Variants in RALYL observed in about 807,000 individuals in gnomAD.
The protein encoded by RALYL is RNA-binding Raly-like protein.
A neutral mutation model predicts 35.1 loss-of-function variants in RALYL; 29 were observed. The observed-to-expected ratio is 0.83, with a 90% CI of 0.61 to 1.13. RALYL has a LOEUF of 1.13. RALYL is among the 50% of genes most tolerant of loss of function. RALYL has a pLI of 0.00. For synonymous variants in RALYL, 120 were observed against 127.6 expected (o/e 0.94, Z 0.40); for missense variants, 359 against 360.4 (o/e 1.00, Z 0.03).
intron 2 of RALYL, among the ~76,000 whole-genome samples, chr8:84,574,347 C>T (rs1488610048): frequency 6.6e-6 from 1 of 152,010 alleles, no homozygotes; most frequent in Non-Finnish European, 1.5e-5. Flanking sequence ...CTTTGGCTGG[C>T]CTTCTGAAGT....
At chr8:84,206,031 T>G (rs2131078878) in intron 1 of RALYL, among the ~76,000 whole-genome samples, 1 of 152,272 alleles carries the variant, frequency 6.6e-6, no homozygotes, top group East Asian at 1.9e-4. Flanking sequence ...TACACCAGTC[T>G]TATTGGATTA....
chr8:84,524,395 A>T (rs1311446084), intron 1 of RALYL, among the ~76,000 whole-genome samples: 3 of 152,214 alleles, frequency 2.0e-5, no homozygotes, highest in Non-Finnish European at 4.4e-5. Context: ...TCAAAACCAC[A>T]AAGAGATACC....
intron 2 of RALYL, among the ~76,000 whole-genome samples, chr8:84,732,151 T>C (rs1310675043): frequency 1.3e-5 from 2 of 152,152 alleles, no homozygotes; most frequent in Non-Finnish European, 2.9e-5. Context: ...TATTAATAAG[T>C]GTGCTTTTTG....
intron 7 of RALYL, among the ~76,000 whole-genome samples, chr8:84,881,166 A>G (rs1004976800): frequency 6.6e-6 from 1 of 151,968 alleles, no homozygotes; most frequent in Non-Finnish European, 1.5e-5. Flanking sequence ...CATCTAAAAC[A>G]TTCTATGTAA....
In RALYL at chr8:84,783,572, G is replaced by GA. The variant is rs530834212; in HGVS notation, c.332+8923dup. Among the ~76,000 whole-genome samples, 4 of 152,206 alleles carry GA rather than the reference G, an allele frequency of 2.6e-5. 1 individual carries two copies. In the South Asian group the frequency reaches 8.3e-4, roughly 32 times the overall value. On this transcript the variant is annotated intron_variant, in intron 3 of 8. Coordinates refer to ENST00000521268, the MANE Select transcript of RALYL (RefSeq NM_173848.7). ...GTTAGGTAATTGACTTTATGCAAAA[G>GA]AAAAACAAACTTTTCATATTCTCAT...
chr8:84,331,604 A>T (rs1846838508), intron 1 of RALYL, among the ~76,000 whole-genome samples: 1 of 152,134 alleles, frequency 6.6e-6, no homozygotes, highest in African/African-American at 2.4e-5. Flanking sequence ...TGCAGGGATG[A>T]GGAAAGCATT....
intron 2 of RALYL, among the ~76,000 whole-genome samples, chr8:84,544,028 T>C (rs866098576): frequency 1.6e-4 from 24 of 152,076 alleles, no homozygotes; most frequent in African/African-American, 5.5e-4. Flanking sequence ...ATCATTATGA[T>C]ATCTGAAAAG....
chr8:84,681,883 C>T (rs562232322), intron 2 of RALYL, among the ~76,000 whole-genome samples: 31 of 152,148 alleles, frequency 2.0e-4, no homozygotes, highest in African/African-American at 7.0e-4. Flanking sequence ...TATGTTGAAT[C>T]GGAGTGGTGA....
intron 2 of RALYL, among the ~76,000 whole-genome samples, chr8:84,703,790 C>A (rs1221146949): frequency 6.6e-6 from 1 of 152,032 alleles, no homozygotes; most frequent in East Asian, 1.9e-4. Context: ...AGTTTTCGTG[C>A]CTTGTTGGTC....
At chr8:84,580,704 G>A (rs907957261) in intron 2 of RALYL, among the ~76,000 whole-genome samples, 1 of 152,138 alleles carries the variant, frequency 6.6e-6, no homozygotes, top group Non-Finnish European at 1.5e-5. Flanking sequence ...TCCAGTAATA[G>A]TAATGTATCT....
chr8:84,752,378 T>C (rs189444560), intron 2 of RALYL, among the ~76,000 whole-genome samples: 2 of 152,158 alleles, frequency 1.3e-5, no homozygotes, highest in African/African-American at 4.8e-5. Flanking sequence ...AACTTATATT[T>C]AAAAGGGAAG....
At chr8:84,700,324 T>G (rs569594484) in intron 2 of RALYL, among the ~76,000 whole-genome samples, 1 of 152,158 alleles carries the variant, frequency 6.6e-6, no homozygotes, top group East Asian at 1.9e-4. Flanking sequence ...TATTTCAGAA[T>G]CATAATAATT....
At chr8:84,275,113 A>G (rs905255923) in intron 1 of RALYL, among the ~76,000 whole-genome samples, 5 of 152,142 alleles carry the variant, frequency 3.3e-5, no homozygotes, top group African/African-American at 1.2e-4. Flanking sequence ...TAAGCTTAAT[A>G]TATTTTCCTT....
chr8:84,184,777 A>C (rs1483472409), intron 1 of RALYL: 7 of 430,728 alleles, frequency 1.6e-5, no homozygotes, highest in East Asian at 3.8e-5. Flanking sequence ...TCCGAGGGCC[A>C]CTTGCACAGC....
intron 1 of RALYL, among the ~76,000 whole-genome samples, chr8:84,385,199 C>G (rs1309711264): frequency 6.6e-6 from 1 of 151,606 alleles, no homozygotes; most frequent in African/African-American, 2.4e-5. Context: ...GAAAAAATAG[C>G]AAATCTGTTA....
intron 1 of RALYL, among the ~76,000 whole-genome samples, chr8:84,500,393 A>G (rs2056527548): frequency 6.6e-6 from 1 of 152,158 alleles, no homozygotes; most frequent in Admixed American, 6.6e-5. Context: ...ATGTTTTTAA[A>G]TGAACTGTTT....
intron 8 of RALYL, among the ~76,000 whole-genome samples, chr8:84,895,287 T>C (rs544465424): frequency 6.6e-6 from 1 of 151,204 alleles, no homozygotes; most frequent in South Asian, 2.1e-4. Flanking sequence ...TAAACAACCA[T>C]GGTGCATGTG....
intron 1 of RALYL, among the ~76,000 whole-genome samples, chr8:84,375,561 A>G (rs927181675): frequency 6.6e-6 from 1 of 151,814 alleles, no homozygotes; most frequent in African/African-American, 2.4e-5. Flanking sequence ...TAATCCCACT[A>G]TCAGGAACCT....
At chr8:84,633,432 T>C (rs928819918) in intron 2 of RALYL, among the ~76,000 whole-genome samples, 4 of 151,856 alleles carry the variant, frequency 2.6e-5, no homozygotes, top group African/African-American at 9.7e-5. Flanking sequence ...GCTGTCCCAA[T>C]AAAAACACAT....
Sources: gnomAD v4.1 joint callset for allele counts (sites outside exome capture counted in the v4.1 genomes callset) on GRCh38, gnomAD v4.1.1 for gene constraint, MANE v1.5 for transcripts, NCBI Gene and HGNC (gene_info 2026-07-23, HGNC 2026-07-21) for gene names.